The following ARK2C variants were observed in gnomAD, a reference collection of about 807,000 sequenced individuals.
The protein encoded by ARK2C is arkadia (RNF111) C-terminal like ring finger ubiquitin ligase 2C.
chr18:46,340,039 C>A, the ARK2C span, among the ~76,000 whole-genome samples: 1 of 152,224 alleles, frequency 6.6e-6, no homozygotes, highest in South Asian at 2.1e-4. Context: ...GGTCCTTGAC[C>A]CTGATTCAGG....
chr18:46,422,697 G>A, the ARK2C span, among the ~76,000 whole-genome samples: 1 of 152,204 alleles, frequency 6.6e-6, no homozygotes, highest in Non-Finnish European at 1.5e-5. Context: ...GGTAGATGTT[G>A]CAGGGAATTT....
At chr18:46,350,897 T>C in the ARK2C span, among the ~76,000 whole-genome samples, 617 of 152,282 alleles carry the variant, frequency 4.1e-3, 2 homozygotes, top group Middle Eastern at 0.01. Context: ...GATGGGCCCA[T>C]TACCTGGGAG....
chr18:46,348,782 G>A, the ARK2C span, among the ~76,000 whole-genome samples: 9 of 152,212 alleles, frequency 5.9e-5, no homozygotes, highest in African/African-American at 1.9e-4. Flanking sequence ...TTGGAGAGTC[G>A]GTGTGCGTAT....
chr18:46,337,110 C>G, the ARK2C span: 2 of 985,292 alleles, frequency 2.0e-6, no homozygotes, highest in Non-Finnish European at 2.4e-6. Flanking sequence ...AAAACTGAAA[C>G]AAAACAGCAG....
the ARK2C span, among the ~76,000 whole-genome samples, chr18:46,442,495 A>G: frequency 6.6e-6 from 1 of 152,166 alleles, no homozygotes; most frequent in African/African-American, 2.4e-5. Context: ...CTAATTTAAT[A>G]CCAGTGTGAT....
At chr18:46,360,807 A>G in the ARK2C span, among the ~76,000 whole-genome samples, 1 of 152,192 alleles carries the variant, frequency 6.6e-6, no homozygotes, top group East Asian at 1.9e-4. Context: ...AGCACCAGGC[A>G]GGGTCACAGG....
chr18:46,342,286 G>A, the ARK2C span, among the ~76,000 whole-genome samples: 181 of 152,304 alleles, frequency 1.2e-3, 1 homozygote, highest in African/African-American at 4.3e-3. Context: ...GCCTGCATAC[G>A]GCAAGGAGCC....
chr18:46,364,393 G>C, the ARK2C span, among the ~76,000 whole-genome samples: 1 of 134,058 alleles, frequency 7.5e-6, no homozygotes, highest in African/African-American at 3.1e-5. Flanking sequence ...TTTTGGTGTG[G>C]TCTAAGAAAC....
chr18:46,394,522 C>G, the ARK2C span, among the ~76,000 whole-genome samples: 1 of 152,228 alleles, frequency 6.6e-6, no homozygotes, highest in African/African-American at 2.4e-5. Context: ...CCCAGCCAGG[C>G]TGAGTGCCCA....
At chr18:46,386,717 A>G in the ARK2C span, 2 of 152,170 alleles carry the variant, frequency 1.3e-5, no homozygotes, top group Non-Finnish European at 2.9e-5. Context: ...TTCAGTGGAG[A>G]TTCTCTTTCT....
chr18:46,425,607 A>G, the ARK2C span, among the ~76,000 whole-genome samples: 15 of 152,128 alleles, frequency 9.9e-5, no homozygotes, highest in African/African-American at 3.4e-4. Flanking sequence ...TTCCCTGAAG[A>G]AGCCTTGCTG....
chr18:46,447,500 G>A, the ARK2C span: 1 of 1,597,482 alleles, frequency 6.3e-7, no homozygotes, highest in Non-Finnish European at 8.6e-7. Context: ...GATGTCTGAG[G>A]TCCCTTCTCT....
At chr18:46,379,450 C>T in the ARK2C span, among the ~76,000 whole-genome samples, 3 of 152,174 alleles carry the variant, frequency 2.0e-5, no homozygotes, top group African/African-American at 7.2e-5. Context: ...CTTCCCTCCC[C>T]GAGTCCATTT....
At chr18:46,399,893 C>A in the ARK2C span, among the ~76,000 whole-genome samples, 2 of 152,214 alleles carry the variant, frequency 1.3e-5, no homozygotes, top group African/African-American at 2.4e-5. Context: ...TCACAACCCA[C>A]ATGGCAGGTG....
At chr18:46,350,537 C>T in the ARK2C span, among the ~76,000 whole-genome samples, 9 of 152,154 alleles carry the variant, frequency 5.9e-5, no homozygotes, top group Admixed American at 5.9e-4. Context: ...CGCCCCCAAC[C>T]CCAAGAACCC....
chr18:46,422,577 C>A, the ARK2C span, among the ~76,000 whole-genome samples: 3 of 152,274 alleles, frequency 2.0e-5, no homozygotes, highest in African/African-American at 4.8e-5. Context: ...AAGACTTGCT[C>A]TCTCCTTACT....
At chr18:46,334,606 C>G in the ARK2C span, 2 of 487,980 alleles carry the variant, frequency 4.1e-6, no homozygotes, top group Non-Finnish European at 3.6e-6. This position sits in a 1 kb window ranked among gnomAD's most constrained non-coding sequence, Gnocchi z 4.4. Flanking sequence ...ACGTGGTTCC[C>G]CCAAATCACA....
chr18:46,419,043 TG>T, the ARK2C span, among the ~76,000 whole-genome samples: 1 of 152,194 alleles, frequency 6.6e-6, no homozygotes, highest in Non-Finnish European at 1.5e-5. Context: ...TTGGCTCTAG[TG>T]GGAACGCTAT....
chr18:46,341,812 A>G, the ARK2C span, among the ~76,000 whole-genome samples: 2 of 152,206 alleles, frequency 1.3e-5, no homozygotes, highest in Non-Finnish European at 2.9e-5. Context: ...TGTACCAATC[A>G]GTATCCCGAA....
Sources: gnomAD v4.1 joint callset for allele counts (sites outside exome capture counted in the v4.1 genomes callset) on GRCh38, gnomAD v4.1.1 for gene constraint, Gnocchi (gnomAD v3.1) non-coding constraint, MANE v1.5 for transcripts, NCBI Gene and HGNC (gene_info 2026-07-23, HGNC 2026-07-21) for gene names.